Variants in KIF16B observed in about 807,000 individuals in gnomAD.
The protein encoded by KIF16B is kinesin family member 16B, also known as kinesin-like protein KIF16B.
In KIF16B, 98 loss-of-function variants were observed where a neutral mutation model predicts 156.3. The ratio of observed to expected loss-of-function variants is 0.63; its 90% CI spans 0.53 to 0.74. KIF16B has a LOEUF of 0.74. KIF16B is among the 30% of genes least tolerant of loss of function. The probability of loss-of-function intolerance (pLI) is 0.00; values close to 1 mark genes in which losing one functional copy is unlikely to be tolerated. For missense variants in KIF16B, 1,421 were observed against 1,606.5 expected (o/e 0.88, Z 1.97); for synonymous variants, 564 against 583.7 (o/e 0.97, Z 0.49).
At chr20:16,407,539 C>T (rs911331076) in intron 15 of KIF16B, among the ~76,000 whole-genome samples, 4 of 152,056 alleles carry the variant, frequency 2.6e-5, no homozygotes, top group African/African-American at 9.7e-5. Flanking sequence ...TTGGGTCTCA[C>T]CGGATAACCA....
intron 23 of KIF16B, among the ~76,000 whole-genome samples, chr20:16,336,859 T>TC (rs1349628864): frequency 6.6e-6 from 1 of 152,200 alleles, no homozygotes; most frequent in Non-Finnish European, 1.5e-5. Context: ...TAGAACTTTA[T>TC]CCTTCCATCC....
At chr20:16,290,138 C>T (rs188045513) in intron 25 of KIF16B, among the ~76,000 whole-genome samples, 10 of 152,306 alleles carry the variant, frequency 6.6e-5, no homozygotes, top group Admixed American at 2.6e-4. Flanking sequence ...CTGCTCCAAA[C>T]GACCAATTTG....
chr20:16,536,594 T>C (rs1268944487), intron 1 of KIF16B, among the ~76,000 whole-genome samples: 2 of 152,144 alleles, frequency 1.3e-5, no homozygotes, highest in African/African-American at 4.8e-5. Flanking sequence ...TACACAAATA[T>C]AAAGTTTGTC....
At chr20:16,326,159 C>T (rs1412370142) in intron 24 of KIF16B, among the ~76,000 whole-genome samples, 1 of 151,718 alleles carries the variant, frequency 6.6e-6, no homozygotes, top group Admixed American at 6.6e-5. Context: ...CAGGATGAAT[C>T]AAAGACTTAA....
intron 12 of KIF16B, among the ~76,000 whole-genome samples, chr20:16,464,301 TC>T (rs1363514921): frequency 6.6e-6 from 1 of 152,020 alleles, no homozygotes; most frequent in African/African-American, 2.4e-5. Flanking sequence ...AAGAAAAACT[TC>T]CAAACACATT....
chr20:16,485,477 C>T (rs2068087951), intron 12 of KIF16B, among the ~76,000 whole-genome samples: 1 of 152,124 alleles, frequency 6.6e-6, no homozygotes, highest in Non-Finnish European at 1.5e-5. Context: ...TTAAGAGATT[C>T]GAAGATGAGC....
chr20:16,314,782 A>G (rs1238249410), intron 24 of KIF16B, among the ~76,000 whole-genome samples: 1 of 152,080 alleles, frequency 6.6e-6, no homozygotes, highest in South Asian at 2.1e-4. Context: ...CTCTGCATCC[A>G]CTGGGAAGCC....
chr20:16,409,717 G>A (rs754763086), intron 15 of KIF16B, among the ~76,000 whole-genome samples: 1 of 151,630 alleles, frequency 6.6e-6, no homozygotes, highest in Non-Finnish European at 1.5e-5. Context: ...ACAAAGAGGA[G>A]ACGGGGGTGA....
At chr20:16,343,677 C>G (rs75143661) in intron 23 of KIF16B, among the ~76,000 whole-genome samples, 2,366 of 152,230 alleles carry the variant, frequency 0.016, 70 homozygotes, top group African/African-American at 0.054. Flanking sequence ...TCCTAAAGAA[C>G]ATGCCTGTAT....
rs74930034 is a variant in KIF16B, at chr20:16,300,780, C to T, written c.3795+11555G>A. Among the ~76,000 whole-genome samples, 1,491 of 152,262 alleles carry T rather than the reference C, an allele frequency of 9.8e-3. 24 individuals carry two copies. Among genetic ancestry groups the T allele is most frequent in the African/African-American group, 0.031 (1,306 of 41,556 alleles). On this transcript the variant is annotated intron_variant, in intron 25 of 25. Transcript: ENST00000354981. ...AAATATGCAGAGCCTCCCCCGCTAT[C>T]AAAATCCCACACCAGAGTGGCATAT...
intron 6 of KIF16B, among the ~76,000 whole-genome samples, chr20:16,509,050 T>C (rs1341208757): frequency 2.6e-5 from 4 of 152,198 alleles, no homozygotes; most frequent in South Asian, 4.1e-4. Context: ...CAATCATATT[T>C]ATATATAATT....
rs1015271955 is a variant in KIF16B, at chr20:16,282,149, G to A, written c.3796-8738C>T. 2.0e-5 allele frequency among the ~76,000 whole-genome samples: 3 copies of A among 150,544 alleles called. No individual in the cohort carries two copies. The East Asian group carries it at 5.9e-4, about 30-fold the overall frequency. On this transcript the variant is annotated intron_variant, in intron 25 of 25. Coordinates refer to ENST00000354981, the MANE Select transcript of KIF16B (RefSeq NM_024704.5). The stretch of plus-strand genomic sequence containing the variant: ...CAGGTTCAAGCAATCCTCCTGCCTC[G>A]GCCTCCTGAGTAGCTGGGACTAAAG...
intron 24 of KIF16B, among the ~76,000 whole-genome samples, chr20:16,328,942 G>A (rs2063902117): frequency 6.6e-6 from 1 of 152,054 alleles, no homozygotes; most frequent in Non-Finnish European, 1.5e-5. Flanking sequence ...AATTTAGGAG[G>A]AACACAAACA....
chr20:16,517,586 G>A (rs1419637906), intron 3 of KIF16B, among the ~76,000 whole-genome samples: 2 of 152,106 alleles, frequency 1.3e-5, no homozygotes, highest in Non-Finnish European at 2.9e-5. Context: ...TCACTGTGAT[G>A]TGTCCTCTTC....
intron 23 of KIF16B, among the ~76,000 whole-genome samples, chr20:16,347,640 TA>T (rs1025962056): frequency 6.6e-6 from 1 of 152,182 alleles, no homozygotes; most frequent in Non-Finnish European, 1.5e-5. Flanking sequence ...ATAAATTTTT[TA>T]AAAATCCTAG....
At chr20:16,352,707 G>A (rs996115041) in intron 23 of KIF16B, among the ~76,000 whole-genome samples, 2 of 152,248 alleles carry the variant, frequency 1.3e-5, no homozygotes, top group African/African-American at 4.8e-5. Flanking sequence ...CCTAAAAAAA[G>A]GTTGGCAGAA....
At chr20:16,555,205 G>A (rs181331456) in intron 1 of KIF16B, among the ~76,000 whole-genome samples, 111 of 152,260 alleles carry the variant, frequency 7.3e-4, no homozygotes, top group Non-Finnish European at 1.4e-3. Context: ...TGCATTCATT[G>A]TGCTTACTCT....
intron 23 of KIF16B, among the ~76,000 whole-genome samples, chr20:16,352,384 G>A (rs966254826): frequency 1.1e-4 from 16 of 152,252 alleles, no homozygotes; most frequent in Middle Eastern, 6.8e-3. Flanking sequence ...AAATAAAGCA[G>A]GTATAGAAGA....
At chr20:16,536,369 G>C (rs187466641) in intron 1 of KIF16B, among the ~76,000 whole-genome samples, 66 of 152,108 alleles carry the variant, frequency 4.3e-4, no homozygotes, top group Non-Finnish European at 7.6e-4. Context: ...GTGAAGAGAA[G>C]TAGGTTAATG....
Sources: allele counts gnomAD v4.1 joint callset (sites outside exome capture counted in the v4.1 genomes callset), GRCh38; gene constraint gnomAD v4.1.1; transcripts MANE v1.5; gene names NCBI Gene and HGNC (gene_info 2026-07-23, HGNC 2026-07-21).